Variants in SLC25A21 observed in about 807,000 individuals in gnomAD.
SLC25A21 encodes the protein solute carrier family 25 member 21.
In SLC25A21, 47 loss-of-function variants were observed where a neutral mutation model predicts 43.8. The observed-to-expected ratio is 1.07, with a 90% CI of 0.85 to 1.37. SLC25A21 has a LOEUF of 1.37. Among genes scored for constraint, SLC25A21 ranks in the 40% most tolerant of loss-of-function variants. The probability of loss-of-function intolerance (pLI) is 0.00; values close to 1 mark genes in which losing one functional copy is unlikely to be tolerated. For missense variants in SLC25A21, 352 were observed against 350.2 expected (o/e 1.00, Z -0.04); for synonymous variants, 131 against 121.3 (o/e 1.08, Z -0.52).
intron 1 of SLC25A21, among the ~76,000 whole-genome samples, chr14:36,991,036 C>G (rs1015814356): frequency 5.3e-5 from 8 of 152,188 alleles, no homozygotes; most frequent in African/African-American, 1.9e-4. Flanking sequence ...GTTTTCCCTT[C>G]CAATGGACTC....
intron 1 of SLC25A21, among the ~76,000 whole-genome samples, chr14:36,943,884 A>G (rs1294433276): frequency 1.3e-5 from 2 of 152,168 alleles, no homozygotes; most frequent in African/African-American, 4.8e-5. Context: ...TCCTAGTAAC[A>G]TATTTCCCTG....
intron 1 of SLC25A21, among the ~76,000 whole-genome samples, chr14:36,917,627 T>C (rs1891866154): frequency 6.6e-6 from 1 of 152,170 alleles, no homozygotes; most frequent in Non-Finnish European, 1.5e-5. Context: ...CCACGAAAGA[T>C]GCTTCAGTTC....
chr14:36,991,443 G>A (rs957120078), intron 1 of SLC25A21, among the ~76,000 whole-genome samples: 1 of 152,058 alleles, frequency 6.6e-6, no homozygotes. Flanking sequence ...GCAAACCTTG[G>A]GTAACATGGA....
At chr14:36,781,978 T>C (rs1887080012) in intron 3 of SLC25A21, among the ~76,000 whole-genome samples, 2 of 152,196 alleles carry the variant, frequency 1.3e-5, no homozygotes, top group African/African-American at 4.8e-5. Context: ...CATTTCTCCT[T>C]CGTTTCTAAA....
intron 1 of SLC25A21, among the ~76,000 whole-genome samples, chr14:37,105,387 G>A (rs945389278): frequency 6.6e-6 from 1 of 152,098 alleles, no homozygotes; most frequent in African/African-American, 2.4e-5. Flanking sequence ...AGGAGGTGCA[G>A]GCCAAGAGGG....
chr14:36,878,674 C>A (rs1483536405), intron 1 of SLC25A21, among the ~76,000 whole-genome samples: 1 of 152,120 alleles, frequency 6.6e-6, no homozygotes, highest in Admixed American at 6.6e-5. Flanking sequence ...CTAGTGAGCA[C>A]AAATTTTAAT....
chr14:36,811,940 C>T (rs1470587328), intron 3 of SLC25A21, among the ~76,000 whole-genome samples: 1 of 151,976 alleles, frequency 6.6e-6, no homozygotes, highest in African/African-American at 2.4e-5. Flanking sequence ...AAATCAAAAT[C>T]TTTAAAAATC....
At chr14:36,762,240 A>G (rs1214138499) in intron 3 of SLC25A21, among the ~76,000 whole-genome samples, 1 of 152,220 alleles carries the variant, frequency 6.6e-6, no homozygotes. Context: ...GCTTACTATC[A>G]GGCACTGGGT....
chr14:36,724,910 T>C (rs1270871142), intron 6 of SLC25A21, among the ~76,000 whole-genome samples: 1 of 152,194 alleles, frequency 6.6e-6, no homozygotes, highest in Non-Finnish European at 1.5e-5. Flanking sequence ...GGTTTAGCTA[T>C]AGTCCATTCT....
At chr14:37,044,584 G>C (rs1029447921) in intron 1 of SLC25A21, among the ~76,000 whole-genome samples, 79 of 152,212 alleles carry the variant, frequency 5.2e-4, no homozygotes, top group African/African-American at 1.7e-3. Flanking sequence ...CCTCCTATAG[G>C]AACACTGGCT....
intron 3 of SLC25A21, among the ~76,000 whole-genome samples, chr14:36,750,067 C>T (rs897438634): frequency 4.6e-5 from 7 of 152,162 alleles, no homozygotes; most frequent in African/African-American, 1.7e-4. Flanking sequence ...ATAAGAGACA[C>T]TCAGTAAATA....
chr14:37,026,994 A>C (rs1386457393), intron 1 of SLC25A21, among the ~76,000 whole-genome samples: 1 of 152,150 alleles, frequency 6.6e-6, no homozygotes, highest in East Asian at 1.9e-4. Context: ...TTTTTTTCCC[A>C]AGTAACAGCA....
intron 1 of SLC25A21, among the ~76,000 whole-genome samples, chr14:36,901,403 T>C (rs1891395917): frequency 6.6e-6 from 1 of 152,192 alleles, no homozygotes; most frequent in South Asian, 2.1e-4. Flanking sequence ...ATATTCTGTA[T>C]TTTGAGTTAA....
intron 1 of SLC25A21, among the ~76,000 whole-genome samples, chr14:37,121,861 G>C (rs980532395): frequency 6.6e-6 from 1 of 152,074 alleles, no homozygotes; most frequent in African/African-American, 2.4e-5. Flanking sequence ...ATTCACGCCG[G>C]AGAAACTCAT....
Position 36,729,553 on chromosome 14 carries a change from T to G in SLC25A21, c.284A>C (p.Glu95Ala). ...ATATCCCAGCAATTTCTTGTACTGC[T>G]CAAAGGTGAAAAACTGTGAAACAAA... Reference protein sequence around the residue: ...PKRAVKFFTFEQYKKLLGYVS... With the variant: ...PKRAVKFFTFAQYKKLLGYVS... Residue 95 changes from glutamate to alanine, a missense_variant, in exon 5 of 10, where the codon GAG becomes GCG. Physicochemically the swap from Glu to Ala is moderately radical, Grantham distance 107. Coordinates refer to ENST00000331299, the MANE Select transcript of SLC25A21 (RefSeq NM_030631.4). 1 of 1,609,332 alleles carries G rather than the reference T, an allele frequency of 6.2e-7. No individual in the cohort carries two copies. The highest frequency in any genetic ancestry group is 8.5e-7 in the Non-Finnish European group (1 of 1,178,406).
At chr14:36,858,005 A>G (rs1889953516) in intron 2 of SLC25A21, among the ~76,000 whole-genome samples, 1 of 152,246 alleles carries the variant, frequency 6.6e-6, no homozygotes, top group Non-Finnish European at 1.5e-5. Flanking sequence ...TTGCATAGTC[A>G]TTAGGCTAAT....
chr14:36,907,310 T>C (rs1891560926), intron 1 of SLC25A21, among the ~76,000 whole-genome samples: 1 of 152,156 alleles, frequency 6.6e-6, no homozygotes, highest in African/African-American at 2.4e-5. Context: ...GAGAAGAGGC[T>C]ATGAAGTAAA....
chr14:36,885,536 T>C (rs932518917), intron 1 of SLC25A21, among the ~76,000 whole-genome samples: 7 of 152,224 alleles, frequency 4.6e-5, no homozygotes, highest in African/African-American at 1.7e-4. Flanking sequence ...ATTGAATCTG[T>C]ATATCATTTT....
At chr14:36,997,401 AT>A (rs139898715) in intron 1 of SLC25A21, among the ~76,000 whole-genome samples, 27,196 of 152,168 alleles carry the variant, frequency 0.18, 2,664 homozygotes, top group Middle Eastern at 0.22. Context: ...ACAAGTACAG[AT>A]CAGGCTGTTG....
Sources: allele counts gnomAD v4.1 joint callset (sites outside exome capture counted in the v4.1 genomes callset), GRCh38; gene constraint gnomAD v4.1.1; transcripts MANE v1.5; gene names NCBI Gene and HGNC (gene_info 2026-07-23, HGNC 2026-07-21).